The following SLC45A2 variants were observed in gnomAD, a reference collection of about 807,000 sequenced individuals.
SLC45A2 encodes the protein membrane-associated transporter protein.
A neutral mutation model predicts 45.5 loss-of-function variants in SLC45A2; 36 were observed. The observed-to-expected ratio is 0.79, with a 90% CI of 0.61 to 1.04. The LOEUF (loss-of-function observed/expected upper bound fraction) is 1.04, where lower values mean the gene tolerates loss of function less well. SLC45A2 is among the 50% of genes least tolerant of loss of function. SLC45A2 has a pLI of 0.00. For synonymous variants in SLC45A2, 306 were observed against 269.3 expected, an observed-to-expected ratio of 1.14 and a Z score of -1.33; for missense variants, 719 against 671.0, an observed-to-expected ratio of 1.07 and a Z score of -0.79.
Position 33,984,457 on chromosome 5 carries a change from A to T in SLC45A2, c.127T>A (p.Phe43Ile). ...SRLIMHSMAM[F>I]GREFCYAVEA... ...ACCGCGTAGCAGAACTCTCTTCCGA[A>T]CATGGCCATGCTGTGCATGATGAGT... The change falls in exon 1 of 7, where the codon TTC becomes ATC. Residue 43 changes from phenylalanine to isoleucine, a missense_variant. Coordinates refer to ENST00000296589, the MANE Select transcript of SLC45A2 (RefSeq NM_016180.5). 1 of 1,613,850 alleles carries T rather than the reference A, an allele frequency of 6.2e-7. No homozygotes were observed. The highest frequency in any genetic ancestry group is 8.5e-7 in the Non-Finnish European group (1 of 1,180,006).
At position 33,982,305 on chromosome 5, in the gene SLC45A2, C is replaced by T. The variant is rs1184475555; in HGVS notation, c.493G>A (p.Ala165Thr). 2 of 1,614,014 alleles carry T rather than the reference C, an allele frequency of 1.2e-6. No individual in the cohort carries two copies. Among genetic ancestry groups the T allele is most frequent in the African/African-American group, 1.3e-5 (1 of 74,900 alleles). The change falls in exon 2 of 7, where the codon GCC becomes ACC. Residue 165 changes from alanine to threonine, a missense_variant. By Grantham distance (58) the Ala-to-Thr change is moderately conservative. Coordinates refer to ENST00000296589, the MANE Select transcript of SLC45A2 (RefSeq NM_016180.5). Reference sequence around the variant, plus strand: ...TGGGAGCAGACATCAAATAAGTAGGCTTTGATGGGCCCATCAATGAAGTCG... The same window carrying T: ...TGGGAGCAGACATCAAATAAGTAGGTTTTGATGGGCCCATCAATGAAGTCG... ...AADFIDGPIKAYLFDVCSHQD... is the reference protein window; with the variant it reads ...AADFIDGPIKTYLFDVCSHQD...
intron 3 of SLC45A2, among the ~76,000 whole-genome samples, chr5:33,961,896 A>G (rs114509766): frequency 6.6e-4 from 101 of 152,292 alleles, no homozygotes; most frequent in African/African-American, 2.4e-3. Flanking sequence ...CTAAGGAGCA[A>G]CTTTGGCTGG....
At chr5:33,972,158 ATTT>A (rs1284546813) in intron 2 of SLC45A2, 5 of 519,594 alleles carry the variant, frequency 9.6e-6, no homozygotes, top group African/African-American at 1.9e-5. Flanking sequence ...ACCATGCATC[ATTT>A]TTATGGATGA....
intron 6 of SLC45A2, among the ~76,000 whole-genome samples, chr5:33,945,634 T>C (rs920763991): frequency 2.6e-5 from 4 of 152,276 alleles, no homozygotes; most frequent in Admixed American, 1.3e-4. Flanking sequence ...ATTATAATAC[T>C]AGCTATCACA....
intron 2 of SLC45A2, among the ~76,000 whole-genome samples, chr5:33,974,540 C>T (rs985055572): frequency 1.3e-5 from 2 of 152,032 alleles, no homozygotes; most frequent in South Asian, 4.2e-4. Flanking sequence ...TCAAAATGGG[C>T]CCTGACACTG....
intron 2 of SLC45A2, among the ~76,000 whole-genome samples, chr5:33,965,311 T>A (rs182241576): frequency 1.2e-4 from 18 of 152,358 alleles, no homozygotes; most frequent in African/African-American, 4.1e-4. Context: ...CAAACCTGAA[T>A]GTCAAGTACC....
At chr5:33,952,447 T>C (rs1752136854) in intron 4 of SLC45A2, among the ~76,000 whole-genome samples, 1 of 151,814 alleles carries the variant, frequency 6.6e-6, no homozygotes, top group Non-Finnish European at 1.5e-5. Flanking sequence ...TTATGAGTGA[T>C]GCATTTACGT....
chr5:33,972,553 G>C (rs1752816690), intron 2 of SLC45A2: 1 of 177,452 alleles, frequency 5.6e-6, no homozygotes, highest in Non-Finnish European at 1.2e-5. Flanking sequence ...TTGCAAAGCA[G>C]GAAGGCATCA....
At chr5:33,947,098 A>T in intron 6 of SLC45A2, 65 bp downstream of exon 6, 1 of 1,614,042 alleles carries the variant, frequency 6.2e-7, no homozygotes, top group Non-Finnish European at 8.5e-7. Context: ...CATTGCTACC[A>T]AATCCTCCCC....
At chr5:33,950,493 T>C (rs1260070311) in intron 5 of SLC45A2, among the ~76,000 whole-genome samples, 1 of 152,246 alleles carries the variant, frequency 6.6e-6, no homozygotes, top group Non-Finnish European at 1.5e-5. Context: ...TGCATGTTTA[T>C]ATGAGGTCCC....
intron 3 of SLC45A2, 131 bp from the exon 4 acceptor site, chr5:33,954,635 T>A: frequency 1.5e-6 from 2 of 1,303,776 alleles, no homozygotes; most frequent in South Asian, 2.5e-5. Context: ...TTCCTGGACA[T>A]GGAACTAGGT....
chr5:33,970,243 A>G (rs1752739751), intron 2 of SLC45A2, among the ~76,000 whole-genome samples: 1 of 152,200 alleles, frequency 6.6e-6, no homozygotes, highest in African/African-American at 2.4e-5. Context: ...TGGTGCCTAA[A>G]CTGAGGGAAG....
intron 4 of SLC45A2, 122 bp downstream of exon 4, chr5:33,954,239 A>G (rs1365038767): frequency 7.2e-7 from 1 of 1,396,866 alleles, no homozygotes; most frequent in Non-Finnish European, 1.0e-6. Flanking sequence ...CAGCTTCTTG[A>G]TGGTACCCTT....
intron 3 of SLC45A2, among the ~76,000 whole-genome samples, chr5:33,958,733 T>C (rs1005726062): frequency 5.9e-5 from 9 of 152,170 alleles, no homozygotes; most frequent in African/African-American, 2.2e-4. Flanking sequence ...TACAACATTT[T>C]TCATGTGGCC....
At chr5:33,951,022 G>A (rs1752081015) in intron 5 of SLC45A2, among the ~76,000 whole-genome samples, 2 of 152,178 alleles carry the variant, frequency 1.3e-5, no homozygotes, top group Admixed American at 6.5e-5. Context: ...GTAAGTGGAG[G>A]TTAAGAGGCT....
chr5:33,951,493 A>G, intron 5 of SLC45A2, 61 bp downstream of exon 5: 2 of 1,612,478 alleles, frequency 1.2e-6, no homozygotes, highest in South Asian at 2.2e-5. Flanking sequence ...GAAATATCAA[A>G]TCCAAGTTGT....
intron 5 of SLC45A2, 100 bp downstream of exon 5, chr5:33,951,454 G>A: frequency 6.2e-7 from 1 of 1,604,750 alleles, no homozygotes; most frequent in South Asian, 1.1e-5. Context: ...TTAAGAATCT[G>A]GTATTTTAAA....
In SLC45A2 at chr5:33,951,505, C is replaced by T. The variant is rs771511752; in HGVS notation, c.1156+49G>A. On this transcript the variant is annotated intron_variant, in intron 5 of 6. Coordinates refer to ENST00000296589, the MANE Select transcript of SLC45A2 (RefSeq NM_016180.5). ...ATAGAAATATCAAATCCAAGTTGTGCTAGACCAGAAACTTTTAGAAGACAT... is the reference window on the plus strand; with the variant it reads ...ATAGAAATATCAAATCCAAGTTGTGTTAGACCAGAAACTTTTAGAAGACAT... 7 of 1,613,062 alleles carry T rather than the reference C, an allele frequency of 4.3e-6. No homozygotes were observed. In the South Asian group the frequency reaches 7.7e-5, roughly 18 times the overall value.
Position 33,963,830 on chromosome 5 carries a change from G to T in SLC45A2, c.749C>A (p.Pro250His), listed in dbSNP as rs995560625. 6.2e-6 allele frequency: 10 copies of T among 1,613,968 alleles called. No individual in the cohort carries two copies. The highest frequency in any genetic ancestry group is 8.5e-6 in the Non-Finnish European group (10 of 1,180,016). ...APLTEVAKGI[P>H]PQQTPQDPPL... The stretch of plus-strand genomic sequence containing the variant: ...AGGGTCCTGAGGGGTTTGCTGTGGG[G>T]GAATGCCCTTTGCAACCTCTGTAAG... Residue 250 changes from proline to histidine, a missense_variant, in exon 3 of 7, where the codon CCC (proline) becomes CAC (histidine). Physicochemically the swap from Pro to His is moderately conservative, Grantham distance 77. Transcript: ENST00000296589.
Sources: allele counts gnomAD v4.1 joint callset (sites outside exome capture counted in the v4.1 genomes callset), GRCh38; gene constraint gnomAD v4.1.1; transcripts MANE v1.5; gene names NCBI Gene and HGNC (gene_info 2026-07-23, HGNC 2026-07-21).